CUBN: variants seen among roughly 807,000 people sequenced by gnomAD.
CUBN encodes the protein cubilin, also known as 460 kDa receptor.
A neutral mutation model predicts 405.3 loss-of-function variants in CUBN; 282 were observed. The ratio of observed to expected loss-of-function variants is 0.70; its 90% CI spans 0.63 to 0.77. The LOEUF (loss-of-function observed/expected upper bound fraction) is 0.77, where lower values mean the gene tolerates loss of function less well. Among genes scored for constraint, CUBN ranks in the 30% least tolerant of loss-of-function variants. The pLI is 0.00. For synonymous variants in CUBN, 1,684 were observed against 1,617.0 expected (o/e 1.04, Z -0.99); for missense variants, 4,514 against 4,475.2 (o/e 1.01, Z -0.25).
At chr10:16,839,452 G>A (rs1191214447) in intron 62 of CUBN, among the ~76,000 whole-genome samples, 1 of 151,786 alleles carries the variant, frequency 6.6e-6, no homozygotes, top group African/African-American at 2.4e-5. Context: ...GCAGCCAAAA[G>A]ACACATGAAA....
chr10:16,843,431 T>C (rs76287488), intron 60 of CUBN, among the ~76,000 whole-genome samples: 2,667 of 152,232 alleles, frequency 0.018, 81 homozygotes, highest in African/African-American at 0.061. Flanking sequence ...CTAAAACCAG[T>C]CATTGTAAAA....
chr10:16,940,261 A>G, intron 36 of CUBN, 24 bp from the exon 37 acceptor site: 2 of 1,594,998 alleles, frequency 1.3e-6, no homozygotes, highest in Non-Finnish European at 1.7e-6. Flanking sequence ...AAAAATATTT[A>G]AAGGGATTAA....
At chr10:17,104,867 G>A (rs1275775133) in intron 11 of CUBN, among the ~76,000 whole-genome samples, 1 of 146,418 alleles carries the variant, frequency 6.8e-6, no homozygotes, top group Non-Finnish European at 1.5e-5. Context: ...GGAGTGCAGT[G>A]GTGCAATCTC....
chr10:17,033,356 C>T (rs1230658446), intron 27 of CUBN, among the ~76,000 whole-genome samples: 1 of 152,198 alleles, frequency 6.6e-6, no homozygotes, highest in African/African-American at 2.4e-5. Context: ...TCCCTCCCAG[C>T]ACTTAACGCT....
At chr10:17,127,747 G>T in intron 3 of CUBN, 82 bp downstream of exon 3, 1 of 932,926 alleles carries the variant, frequency 1.1e-6, no homozygotes, top group Non-Finnish European at 1.7e-6. Context: ...CACAAAGTTG[G>T]TATATCCCCT....
intron 27 of CUBN, among the ~76,000 whole-genome samples, chr10:17,022,244 A>G (rs1834519758): frequency 6.6e-6 from 1 of 152,168 alleles, no homozygotes; most frequent in African/African-American, 2.4e-5. Flanking sequence ...GCTGCTCATC[A>G]TAAGTGCTTG....
chr10:17,045,360 A>ATT (rs34487389), intron 24 of CUBN, among the ~76,000 whole-genome samples, 172 bp from the exon 25 acceptor site: 15 of 134,306 alleles, frequency 1.1e-4, no homozygotes, highest in East Asian at 8.3e-4. Flanking sequence ...ATTTTTTTCT[A>ATT]TTTTTTTTTT....
intron 60 of CUBN, among the ~76,000 whole-genome samples, chr10:16,844,411 C>T (rs1839449606): frequency 6.6e-6 from 1 of 152,144 alleles, no homozygotes; most frequent in Non-Finnish European, 1.5e-5. Context: ...CCCTGGAGGC[C>T]AGGGTGAGAG....
In CUBN at chr10:17,115,496, T is replaced by C; in HGVS notation, c.695A>G (p.Asp232Gly). 6.2e-7 allele frequency: 1 copy of C among 1,613,996 alleles called. No individual in the cohort carries two copies. Among genetic ancestry groups the C allele is most frequent in the Non-Finnish European group, 8.5e-7 (1 of 1,179,974 alleles). Reference sequence around the variant, plus strand: ...CTCTCCAGCTTGCTCTCGCATTAAATCCTCACAGATGCCATGGACACAGCG... The same window carrying C: ...CTCTCCAGCTTGCTCTCGCATTAAACCCTCACAGATGCCATGGACACAGCG... Reference protein sequence around the residue: ...VARCVHGICEDLMREQAGEPK... With the variant: ...VARCVHGICEGLMREQAGEPK... The change falls in exon 7 of 67, where the codon GAT becomes GGT. Residue 232 changes from aspartate to glycine, a missense_variant. Physicochemically the swap from Asp to Gly is moderately conservative, Grantham distance 94. This residue lies in a region of CUBN where 1,448 missense variants were observed against 1,388.0 expected (regional missense o/e 1.04). Coordinates refer to ENST00000377833, the MANE Select transcript of CUBN (RefSeq NM_001081.4).
At position 17,088,206 on chromosome 10, in the gene CUBN, C is replaced by G. The variant is rs373952482; in HGVS notation, c.1905G>C (p.Leu635Phe). The stretch of plus-strand genomic sequence containing the variant: ...TGCAGTCATCATGGTGCTCGAGGCT[C>G]AAGGTCCCAAAAGTAAATGTTACCA... ...DLLVTFTFGT[L>F]SLEHHDDCNK... is the part of the protein sequence containing the mutation. Residue 635 changes from leucine (L) to phenylalanine (F), a missense_variant, in exon 15 of 67, where the codon TTG (leucine) becomes TTC (phenylalanine). Coordinates refer to ENST00000377833, the MANE Select transcript of CUBN (RefSeq NM_001081.4). 1 of 1,613,864 alleles carries G rather than the reference C, an allele frequency of 6.2e-7. No homozygotes were observed. Among genetic ancestry groups the G allele is most frequent in the South Asian group, 1.1e-5 (1 of 91,058 alleles).
chr10:17,047,611 CAGAAACAGACCATA>C lies in CUBN; in HGVS notation c.3140-22_3140-9del. 6.2e-7 allele frequency: 1 copy of C among 1,611,622 alleles called. No individual in the cohort carries two copies. Among genetic ancestry groups the C allele is most frequent in the South Asian group, 1.1e-5 (1 of 91,038 alleles). On this transcript the variant is annotated splice_polypyrimidine_tract_variant and intron_variant, in intron 22 of 66. Coordinates refer to ENST00000377833, the MANE Select transcript of CUBN (RefSeq NM_001081.4). ...TGTAGTCTTGCAAACATGCTGTGAACAGAAACAGACCATAAGAGAGAAAATAGAAAATATTGATA... is the reference window on the plus strand; with the variant it reads ...TGTAGTCTTGCAAACATGCTGTGAACAGAGAGAAAATAGAAAATATTGATA...
Position 16,853,579 on chromosome 10 carries a change from C to T in CUBN, c.9455-2136G>A, listed in dbSNP as rs7079366. ...GCCTGTCCATAGCTTCTAAGTCAGGCGAAACTATAGAGTATTTGCATAGTC... is the reference window on the plus strand; with the variant it reads ...GCCTGTCCATAGCTTCTAAGTCAGGTGAAACTATAGAGTATTTGCATAGTC... On this transcript the variant is annotated intron_variant, in intron 59 of 66. Transcript: ENST00000377833. Among the ~76,000 whole-genome samples the T allele has an allele frequency of 2.3e-3, 352 of 152,218 alleles. 1 individual carries two copies. Among genetic ancestry groups the T allele is most frequent in the African/African-American group, 7.6e-3 (316 of 41,536 alleles).
chr10:16,915,151 C>T lies in CUBN; in HGVS notation c.7232G>A (p.Cys2411Tyr). Residue 2411 changes from cysteine to tyrosine, a missense_variant, in exon 47 of 67, where the codon TGT (cysteine) becomes TAT (tyrosine). This residue lies in a region of CUBN where 1,613 missense variants were observed against 1,542.8 expected (regional missense o/e 1.05). Coordinates refer to ENST00000377833, the MANE Select transcript of CUBN (RefSeq NM_001081.4). ...TATGCTGTCAGGAATGGTGTTTCCACAGTATCTGCCCAAGATGTTTCCTGT... is the reference window on the plus strand; with the variant it reads ...TATGCTGTCAGGAATGGTGTTTCCATAGTATCTGCCCAAGATGTTTCCTGT... ...HTSGNILGRY[C>Y]GNTIPDSIDT... 6.2e-7 allele frequency: 1 copy of T among 1,613,944 alleles called. No homozygotes were observed. The highest frequency in any genetic ancestry group is 8.5e-7 in the Non-Finnish European group (1 of 1,179,990).
At chr10:17,059,455 T>G (rs2131835801) in intron 22 of CUBN, among the ~76,000 whole-genome samples, 1 of 152,238 alleles carries the variant, frequency 6.6e-6, no homozygotes, top group South Asian at 2.1e-4. Context: ...TGCTTTGCAT[T>G]ATGGGATGAT....
At chr10:17,104,355 G>T (rs766803704) in intron 12 of CUBN, 64 bp downstream of exon 12, 27 of 1,458,224 alleles carry the variant, frequency 1.9e-5, no homozygotes, top group Non-Finnish European at 2.6e-5. Context: ...TCTGTTGAGG[G>T]ACTCACTAAA....
rs1840445307 is a variant in CUBN at position 16,874,461 on chromosome 10, C to G, written c.9149G>C (p.Ser3050Thr). 2 of 1,613,966 alleles carry G rather than the reference C, an allele frequency of 1.2e-6. No homozygotes were observed. The highest frequency in any genetic ancestry group is 2.7e-5 in the African/African-American group (2 of 74,916). Reference protein sequence around the residue: ...VFNFSSGIITSPAYSYADYPN... With the variant: ...VFNFSSGIITTPAYSYADYPN... ...GTAGTCTGCGTATGAATAGGCAGGACTTGTGATGATTCCAGAAGAGAAATT... is the reference window on the plus strand; with the variant it reads ...GTAGTCTGCGTATGAATAGGCAGGAGTTGTGATGATTCCAGAAGAGAAATT... Residue 3050 changes from serine (S) to threonine (T), a missense_variant, in exon 58 of 67, where the codon AGT becomes ACT. Physicochemically the swap from Ser to Thr is moderately conservative, Grantham distance 58. This residue lies in a region of CUBN where 1,186 missense variants were observed against 1,186.9 expected (regional missense o/e 1.00). Transcript: ENST00000377833.
intron 64 of CUBN, among the ~76,000 whole-genome samples, chr10:16,834,104 C>T (rs1394258010): frequency 1.3e-5 from 2 of 152,158 alleles, no homozygotes; most frequent in African/African-American, 4.8e-5. Context: ...GCATTTTCGA[C>T]AGAGCTTGCA....
rs1467458862 is a variant in CUBN at position 17,114,038 on chromosome 10, G to A, written c.872C>T (p.Ala291Val). ...CCCTGAGAATGTACCTGTTGGACAG[G>A]CCCCACAGTAGAAAGAGCCTTGAGT... is the stretch of plus-strand genomic sequence containing the variant. Reference protein sequence around the residue: ...FNTQGSFYCGACPTGWQGNGY... With the variant: ...FNTQGSFYCGVCPTGWQGNGY... The change falls in exon 8 of 67, where the codon GCC becomes GTC. Residue 291 changes from alanine to valine, a missense_variant. Physicochemically the swap from Ala to Val is moderately conservative, Grantham distance 64. This residue lies in a region of CUBN where 1,448 missense variants were observed against 1,388.0 expected (regional missense o/e 1.04). Transcript: ENST00000377833. 4 of 1,612,740 alleles carry A rather than the reference G, an allele frequency of 2.5e-6. No homozygotes were observed. The highest frequency in any genetic ancestry group is 3.4e-6 in the Non-Finnish European group (4 of 1,179,450).
At chr10:16,915,003 T>C in intron 47 of CUBN, 29 bp downstream of exon 47, 1 of 1,601,118 alleles carries the variant, frequency 6.2e-7, no homozygotes, top group Non-Finnish European at 8.6e-7. Context: ...AGGTGCTCAA[T>C]GTTGTGTTGA....
Sources: allele counts gnomAD v4.1 joint callset (sites outside exome capture counted in the v4.1 genomes callset), GRCh38; gene constraint gnomAD v4.1.1; regional missense constraint gnomAD v4.1.1; transcripts MANE v1.5; gene names NCBI Gene and HGNC (gene_info 2026-07-23, HGNC 2026-07-21).